LRRC4C: variants seen among roughly 807,000 people sequenced by gnomAD.
LRRC4C encodes leucine rich repeat containing 4C.
LRRC4C carries 5 observed loss-of-function variants against 33.6 expected under a neutral mutation model. The observed-to-expected ratio is 0.15, with a 90% CI of 0.08 to 0.31. The LOEUF (loss-of-function observed/expected upper bound fraction) is 0.31, where lower values mean the gene tolerates loss of function less well. LRRC4C is among the 10% of genes least tolerant of loss of function. LRRC4C has a pLI of 1.00. For missense variants in LRRC4C, 560 were observed against 796.7 expected (o/e 0.70, Z 3.58); for synonymous variants, 329 against 302.0 (o/e 1.09, Z -0.93).
At chr11:40,698,327 T>C (rs1237660596) in intron 2 of LRRC4C, among the ~76,000 whole-genome samples, 1 of 152,198 alleles carries the variant, frequency 6.6e-6, no homozygotes, top group East Asian at 1.9e-4. Context: ...ATTTCTTATA[T>C]TGACACTGAG....
rs146095596 is a variant in LRRC4C, at chr11:40,296,732, A to G, written c.-176+22896T>C. Among the ~76,000 whole-genome samples, 191 of 152,374 alleles carry G rather than the reference A, an allele frequency of 1.3e-3. 1 individual carries two copies. Among genetic ancestry groups the G allele is most frequent in the African/African-American group, 4.3e-3 (179 of 41,586 alleles). On this transcript the variant is annotated intron_variant, in intron 4 of 6. Transcript: ENST00000528697. ...AACCAAATTGTTGCTGAAAAAAAAC[A>G]TAATTATAGATATTTATGCAGTAGA...
At chr11:41,255,814 C>T (rs955315073) in intron 1 of LRRC4C, among the ~76,000 whole-genome samples, 2 of 151,956 alleles carry the variant, frequency 1.3e-5, no homozygotes, top group Non-Finnish European at 2.9e-5. Flanking sequence ...CTGCCAACTA[C>T]GTGTCTGGAT....
intron 3 of LRRC4C, among the ~76,000 whole-genome samples, chr11:40,425,291 A>G (rs191530588): frequency 6.2e-4 from 95 of 152,256 alleles, no homozygotes; most frequent in Non-Finnish European, 1.2e-3. Context: ...ATTGCAGATA[A>G]GTTAAAAATC....
chr11:41,287,047 G>A (rs975073835), intron 1 of LRRC4C, among the ~76,000 whole-genome samples: 1 of 152,158 alleles, frequency 6.6e-6, no homozygotes, highest in African/African-American at 2.4e-5. Context: ...AATAGTGCTA[G>A]TTGATATTTT....
At chr11:40,652,225 C>T (rs1495324) in intron 2 of LRRC4C, among the ~76,000 whole-genome samples, 56,279 of 151,916 alleles carry the variant, frequency 0.37, 11,588 homozygotes, top group East Asian at 0.6. Context: ...TGAGGGTTGC[C>T]TTGCATGTAA....
chr11:41,141,577 T>C (rs891441400), intron 1 of LRRC4C, among the ~76,000 whole-genome samples: 3 of 152,138 alleles, frequency 2.0e-5, no homozygotes, highest in African/African-American at 4.8e-5. Context: ...GTGGAGATAA[T>C]TGAATCGTGG....
Position 41,011,857 on chromosome 11 carries a change from T to G in LRRC4C, c.-495-78134A>C, listed in dbSNP as rs190451337. Among the ~76,000 whole-genome samples, 711 of 148,428 alleles carry G rather than the reference T, an allele frequency of 4.8e-3. 6 individuals are homozygous for G. Among genetic ancestry groups the G allele is most frequent in the African/African-American group, 0.017 (682 of 40,954 alleles). ...TTATATTATATTATATTATGTTACA[T>G]GTATTTTTGAGATGGAGTCTTACTC... On this transcript the variant is annotated intron_variant, in intron 1 of 6. Transcript: ENST00000528697.
intron 1 of LRRC4C, among the ~76,000 whole-genome samples, chr11:41,057,903 A>T (rs1858751633): frequency 6.6e-6 from 1 of 152,188 alleles, no homozygotes; most frequent in Non-Finnish European, 1.5e-5. Context: ...TAGGAGCCGA[A>T]CACTCCTTGG....
At chr11:40,950,584 A>C (rs572790527) in intron 1 of LRRC4C, among the ~76,000 whole-genome samples, 16 of 152,220 alleles carry the variant, frequency 1.1e-4, no homozygotes, top group Admixed American at 2.0e-4. Context: ...TTGTGTATAC[A>C]TGGAAACTTA....
intron 2 of LRRC4C, among the ~76,000 whole-genome samples, chr11:40,929,815 C>G (rs1343472616): frequency 6.6e-6 from 1 of 152,092 alleles, no homozygotes; most frequent in Non-Finnish European, 1.5e-5. Context: ...GCAAATGTTA[C>G]TAATGCAATA....
At chr11:40,785,610 T>A (rs1438859067) in intron 2 of LRRC4C, among the ~76,000 whole-genome samples, 1 of 152,212 alleles carries the variant, frequency 6.6e-6, no homozygotes, top group Admixed American at 6.5e-5. Context: ...CCAATCTTTA[T>A]CTGATTCACT....
intron 1 of LRRC4C, among the ~76,000 whole-genome samples, chr11:41,165,824 G>A (rs1175168847): frequency 6.6e-6 from 1 of 152,042 alleles, no homozygotes; most frequent in East Asian, 1.9e-4. Flanking sequence ...GAGGCCAGGA[G>A]TTCGAGACCA....
intron 1 of LRRC4C, among the ~76,000 whole-genome samples, chr11:41,443,089 A>ATTTTT: frequency 7.6e-4 from 81 of 105,982 alleles, no homozygotes; most frequent in Non-Finnish European, 1.0e-3. Flanking sequence ...TGTTTGCTTC[A>ATTTTT]TTTTTTTTTT....
chr11:40,850,979 C>T (rs1014827056), intron 2 of LRRC4C, among the ~76,000 whole-genome samples: 2 of 152,138 alleles, frequency 1.3e-5, no homozygotes, highest in African/African-American at 2.4e-5. Flanking sequence ...CCCACCTCCC[C>T]CCACCAAGCT....
intron 5 of LRRC4C, among the ~76,000 whole-genome samples, chr11:40,179,166 G>A (rs188358235): frequency 6.6e-6 from 1 of 151,724 alleles, no homozygotes; most frequent in Non-Finnish European, 1.5e-5. Flanking sequence ...CACCATGATT[G>A]GATTTTTTTT....
intron 5 of LRRC4C, among the ~76,000 whole-genome samples, chr11:40,150,891 G>A (rs984503737): frequency 6.6e-6 from 1 of 152,098 alleles, no homozygotes; most frequent in Admixed American, 6.5e-5. Flanking sequence ...GAGGTAGAGA[G>A]AGTTAAGATT....
rs150115282 is a variant in LRRC4C at position 41,459,241 on chromosome 11, T to C, written c.-496+190A>G. Among the ~76,000 whole-genome samples the C allele has an allele frequency of 1.7e-3, 254 of 152,294 alleles. 3 individuals carry two copies. Among genetic ancestry groups the C allele is most frequent in the African/African-American group, 5.9e-3 (244 of 41,568 alleles). ...AAAAATGGTAAGAGGAATGGGGGGA[T>C]GGTTATACAAATGGAAATAACCTCC... On this transcript the variant is annotated intron_variant, in intron 1 of 6. Coordinates refer to ENST00000528697, the MANE Select transcript of LRRC4C (RefSeq NM_001258419.2).
chr11:41,416,692 C>G (rs756941184), intron 1 of LRRC4C, among the ~76,000 whole-genome samples: 1 of 151,998 alleles, frequency 6.6e-6, no homozygotes, highest in Non-Finnish European at 1.5e-5. Context: ...AGGGACTTTA[C>G]TAAAGTGAAT....
chr11:41,150,720 C>T (rs1943952281), intron 1 of LRRC4C, among the ~76,000 whole-genome samples: 1 of 151,546 alleles, frequency 6.6e-6, no homozygotes, highest in Admixed American at 6.6e-5. Context: ...ACCCAGGACG[C>T]AGAGGTTGCA....
Sources: allele counts gnomAD v4.1 joint callset (sites outside exome capture counted in the v4.1 genomes callset), GRCh38; gene constraint gnomAD v4.1.1; transcripts MANE v1.5; gene names NCBI Gene and HGNC (gene_info 2026-07-23, HGNC 2026-07-21).